Variants in SH3RF3 observed in about 807,000 individuals in gnomAD.
SH3RF3 encodes SH3 domain containing ring finger 3.
A neutral mutation model predicts 66.3 loss-of-function variants in SH3RF3; 29 were observed. The ratio of observed to expected loss-of-function variants is 0.44; its 90% CI spans 0.33 to 0.60. SH3RF3 has a LOEUF of 0.60. Among genes scored for constraint, SH3RF3 ranks in the 20% least tolerant of loss-of-function variants. The pLI, the probability that SH3RF3 is intolerant of heterozygous loss-of-function variation, is 0.04. For synonymous variants in SH3RF3, 583 were observed against 532.0 expected (o/e 1.10, Z -1.32); for missense variants, 1,194 against 1,190.9 (o/e 1.00, Z -0.04).
At chr2:109,497,311 A>G (rs989159592) in intron 9 of SH3RF3, among the ~76,000 whole-genome samples, 3 of 152,186 alleles carry the variant, frequency 2.0e-5, no homozygotes, top group Non-Finnish European at 4.4e-5. Context: ...GTGTTGGAGC[A>G]AGTGCTCTGA....
At chr2:109,179,550 G>C (rs1304591123) in intron 1 of SH3RF3, among the ~76,000 whole-genome samples, 1 of 152,176 alleles carries the variant, frequency 6.6e-6, no homozygotes, top group East Asian at 1.9e-4. Flanking sequence ...CAGTTCTGGA[G>C]ACTGGGAAGT....
At chr2:109,196,627 C>G (rs28525341) in intron 1 of SH3RF3, among the ~76,000 whole-genome samples, 4,860 of 152,236 alleles carry the variant, frequency 0.032, 241 homozygotes, top group African/African-American at 0.11. Context: ...TGCTGCTGCG[C>G]TGTGGTTGCG....
At chr2:109,231,602 G>C (rs1574518123) in intron 1 of SH3RF3, among the ~76,000 whole-genome samples, 1 of 152,162 alleles carries the variant, frequency 6.6e-6, no homozygotes. Flanking sequence ...CCACCTACTA[G>C]TTAAGTAGGC....
chr2:109,286,236 C>T (rs939190774), intron 1 of SH3RF3, among the ~76,000 whole-genome samples: 1 of 152,198 alleles, frequency 6.6e-6, no homozygotes, highest in African/African-American at 2.4e-5. Flanking sequence ...TTCTGTTTCT[C>T]TGAGGGAGGT....
intron 8 of SH3RF3, among the ~76,000 whole-genome samples, chr2:109,484,400 C>T (rs1194644182): frequency 1.3e-5 from 2 of 152,122 alleles, no homozygotes; most frequent in African/African-American, 4.8e-5. Context: ...CCAGGCACCT[C>T]GACCCTTGGC....
chr2:109,471,411 A>G (rs577233722), intron 8 of SH3RF3, among the ~76,000 whole-genome samples: 1 of 152,130 alleles, frequency 6.6e-6, no homozygotes, highest in South Asian at 2.1e-4. Flanking sequence ...ATCCTCATAA[A>G]ACCATTGGAT....
chr2:109,433,756 T>C (rs1677317190), intron 6 of SH3RF3, among the ~76,000 whole-genome samples: 1 of 152,144 alleles, frequency 6.6e-6, no homozygotes, highest in African/African-American at 2.4e-5. Flanking sequence ...TAAGGGATGA[T>C]GGAGTTGCCC....
chr2:109,300,796 G>A (rs1275946530), intron 1 of SH3RF3, among the ~76,000 whole-genome samples: 3 of 152,192 alleles, frequency 2.0e-5, no homozygotes, highest in Non-Finnish European at 4.4e-5. Context: ...AGAAGTGAGT[G>A]TCATCACCTA....
chr2:109,160,545 T>G (rs931568644), intron 1 of SH3RF3, among the ~76,000 whole-genome samples: 5 of 152,220 alleles, frequency 3.3e-5, no homozygotes, highest in African/African-American at 1.2e-4. Flanking sequence ...TGTGCCTCTC[T>G]GGCTTAATCT....
chr2:109,453,088 G>A (rs897411664), intron 8 of SH3RF3, among the ~76,000 whole-genome samples: 11 of 152,204 alleles, frequency 7.2e-5, no homozygotes, highest in East Asian at 1.9e-4. Flanking sequence ...TGCGTGGCCC[G>A]ATGTGGTGTG....
chr2:109,334,049 A>G (rs1682346888), intron 1 of SH3RF3, among the ~76,000 whole-genome samples: 1 of 152,208 alleles, frequency 6.6e-6, no homozygotes, highest in Non-Finnish European at 1.5e-5. Context: ...CAAATCACAG[A>G]CAGTTGTGCA....
At chr2:109,411,678 G>A (rs1422213603) in intron 4 of SH3RF3, among the ~76,000 whole-genome samples, 1 of 152,044 alleles carries the variant, frequency 6.6e-6, no homozygotes, top group South Asian at 2.1e-4. Context: ...GATGTCCCTC[G>A]CACCCCTCGC....
intron 8 of SH3RF3, among the ~76,000 whole-genome samples, chr2:109,460,669 T>A (rs570347202): frequency 6.6e-6 from 1 of 152,302 alleles, no homozygotes; most frequent in African/African-American, 2.4e-5. Context: ...ACCACATGTT[T>A]TCCCATTGAA....
intron 1 of SH3RF3, among the ~76,000 whole-genome samples, chr2:109,206,683 G>A (rs975383034): frequency 1.3e-5 from 2 of 151,950 alleles, no homozygotes; most frequent in South Asian, 4.2e-4. Context: ...GGGCATATTA[G>A]TGTATGCTTA....
intron 1 of SH3RF3, among the ~76,000 whole-genome samples, chr2:109,219,844 T>C (rs958343706): frequency 6.6e-6 from 1 of 152,218 alleles, no homozygotes; most frequent in Non-Finnish European, 1.5e-5. Context: ...GAGATGACAC[T>C]ACTACTCAAA....
At chr2:109,324,949 A>G (rs113890300) in intron 1 of SH3RF3, among the ~76,000 whole-genome samples, 3,121 of 152,260 alleles carry the variant, frequency 0.02, 117 homozygotes, top group African/African-American at 0.072. Context: ...AGTAATGACT[A>G]GTATAGACAA....
intron 3 of SH3RF3, among the ~76,000 whole-genome samples, chr2:109,387,914 G>T (rs966681393): frequency 6.6e-6 from 1 of 151,638 alleles, no homozygotes; most frequent in Non-Finnish European, 1.5e-5. Context: ...TTCCTGACTC[G>T]TTCCACTGCT....
chr2:109,273,566 G>A (rs1467921294), intron 1 of SH3RF3, among the ~76,000 whole-genome samples: 3 of 152,236 alleles, frequency 2.0e-5, no homozygotes, highest in East Asian at 3.8e-4. Flanking sequence ...TGAGGTGCCA[G>A]GTGTCTTGTA....
At chr2:109,204,060 C>T (rs1431397633) in intron 1 of SH3RF3, among the ~76,000 whole-genome samples, 1 of 152,178 alleles carries the variant, frequency 6.6e-6, no homozygotes, top group African/African-American at 2.4e-5. Flanking sequence ...TCGAAAAATG[C>T]CTGGATTTGC....
Sources: allele counts gnomAD v4.1 joint callset (sites outside exome capture counted in the v4.1 genomes callset), GRCh38; gene constraint gnomAD v4.1.1; transcripts MANE v1.5; gene names NCBI Gene and HGNC (gene_info 2026-07-23, HGNC 2026-07-21).